Variants in CSMD1 observed in about 807,000 individuals in gnomAD.
CSMD1 encodes CUB and sushi domain-containing protein 1.
CSMD1 carries 213 observed loss-of-function variants against 417.5 expected under a neutral mutation model. That is an observed-to-expected ratio of 0.51 (90% CI 0.46 to 0.57). The LOEUF is 0.57. CSMD1 is among the 20% of genes least tolerant of loss of function. The pLI, the probability that CSMD1 is intolerant of heterozygous loss-of-function variation, is 0.00. For missense variants in CSMD1, 6,923 were observed against 4,529.7 expected, an observed-to-expected ratio of 1.53 and a Z score of -15.17; for synonymous variants, 2,862 against 1,736.8, an observed-to-expected ratio of 1.65 and a Z score of -16.11.
At chr8:4,946,168 T>C (rs921703230) in intron 1 of CSMD1, among the ~76,000 whole-genome samples, 1 of 152,188 alleles carries the variant, frequency 6.6e-6, no homozygotes, top group African/African-American at 2.4e-5. Context: ...TTAAAAACTT[T>C]GATACTCCGT....
At chr8:3,597,951 G>A (rs556957933) in intron 8 of CSMD1, among the ~76,000 whole-genome samples, 2 of 152,234 alleles carry the variant, frequency 1.3e-5, no homozygotes, top group African/African-American at 2.4e-5. Flanking sequence ...AAACCTGCAC[G>A]TTGTGCACAT....
At chr8:3,498,220 G>C (rs1164544104) in intron 10 of CSMD1, among the ~76,000 whole-genome samples, 1 of 152,032 alleles carries the variant, frequency 6.6e-6, no homozygotes, top group Non-Finnish European at 1.5e-5. Context: ...TTGTCTTGCT[G>C]TTTTTAGACT....
chr8:3,293,218 T>C (rs1163133616), intron 25 of CSMD1, among the ~76,000 whole-genome samples: 2 of 152,200 alleles, frequency 1.3e-5, no homozygotes, highest in Non-Finnish European at 2.9e-5. Flanking sequence ...TGGGCTTCCT[T>C]TTGTGGGTAA....
At chr8:4,145,898 C>G (rs1034009983) in intron 3 of CSMD1, among the ~76,000 whole-genome samples, 3 of 151,036 alleles carry the variant, frequency 2.0e-5, no homozygotes, top group Admixed American at 2.0e-4. Context: ...TTGCTCAATG[C>G]TCATCCCTTG....
chr8:4,007,914 G>A (rs1015143531), intron 4 of CSMD1, among the ~76,000 whole-genome samples: 1 of 152,068 alleles, frequency 6.6e-6, no homozygotes, highest in African/African-American at 2.4e-5. Context: ...AAAAAAAGTA[G>A]TCTATAAAAA....
rs530494208 is a variant in CSMD1 at position 4,790,575 on chromosome 8, T to C, written c.86-153017A>G. 2.9e-4 allele frequency among the ~76,000 whole-genome samples: 44 copies of C among 152,232 alleles called. 1 individual carries two copies. The highest frequency in any genetic ancestry group is 1.0e-3 in the African/African-American group (43 of 41,558). On this transcript the variant is annotated intron_variant, in intron 1 of 69. Coordinates refer to ENST00000635120, the MANE Select transcript of CSMD1 (RefSeq NM_033225.6). ...CTGGAAGCATCACACAGCCCGACTT[T>C]AAGCTATACAACCAAGCTACAGTAA...
At chr8:4,582,082 T>A (rs1053485824) in intron 2 of CSMD1, among the ~76,000 whole-genome samples, 41 of 152,086 alleles carry the variant, frequency 2.7e-4, no homozygotes, top group Non-Finnish European at 5.4e-4. Flanking sequence ...TTTTTTTTTT[T>A]TGGTTTGTTT....
chr8:4,414,467 T>A (rs1363265343), intron 3 of CSMD1, among the ~76,000 whole-genome samples: 5 of 152,196 alleles, frequency 3.3e-5, no homozygotes, highest in Admixed American at 2.6e-4. Context: ...TTTCTGTTTG[T>A]GAGGATTAAA....
chr8:3,126,240 A>C (rs1817502494), intron 41 of CSMD1, among the ~76,000 whole-genome samples: 1 of 152,210 alleles, frequency 6.6e-6, no homozygotes, highest in Admixed American at 6.5e-5. Flanking sequence ...GAAATGAATC[A>C]GTGTTGGCAT....
intron 3 of CSMD1, among the ~76,000 whole-genome samples, chr8:4,339,629 C>G (rs6985057): frequency 0.13 from 19,321 of 152,086 alleles, 4,011 homozygotes; most frequent in African/African-American, 0.43. Context: ...TACCTGCCCA[C>G]ATAGGAAAAC....
chr8:3,891,304 C>T (rs911945135), intron 5 of CSMD1, among the ~76,000 whole-genome samples: 3 of 152,140 alleles, frequency 2.0e-5, no homozygotes, highest in Non-Finnish European at 1.5e-5. Flanking sequence ...CCTGCCTCAA[C>T]CTCCCAAAGT....
At chr8:3,957,075 G>C (rs1040342838) in intron 5 of CSMD1, among the ~76,000 whole-genome samples, 1 of 152,106 alleles carries the variant, frequency 6.6e-6, no homozygotes, top group Non-Finnish European at 1.5e-5. Flanking sequence ...AACGCCGGGG[G>C]AGGCTCTGTA....
intron 8 of CSMD1, among the ~76,000 whole-genome samples, chr8:3,610,552 C>A (rs1431243787): frequency 1.3e-5 from 2 of 152,028 alleles, no homozygotes; most frequent in Non-Finnish European, 2.9e-5. Context: ...TAATATAGGT[C>A]ATGTACACAT....
In CSMD1 at chr8:4,894,528, G is replaced by A. The variant is rs542047267; in HGVS notation, c.85+99804C>T. 5.1e-4 allele frequency among the ~76,000 whole-genome samples: 75 copies of A among 147,630 alleles called. 1 individual carries two copies. In the Admixed American group the frequency reaches 5.1e-3, roughly 10 times the overall value. On this transcript the variant is annotated intron_variant, in intron 1 of 69. Transcript: ENST00000635120. The stretch of plus-strand genomic sequence containing the variant: ...AGATCGCACCATCGCATTCCAGCCT[G>A]GGGACAACAGCGAGAACTCATCTCA...
At chr8:4,296,705 T>TG (rs1468507991) in intron 3 of CSMD1, among the ~76,000 whole-genome samples, 3 of 150,022 alleles carry the variant, frequency 2.0e-5, no homozygotes, top group Non-Finnish European at 4.4e-5. Flanking sequence ...GGTTTTTTTT[T>TG]TTTTTTTTTT....
intron 4 of CSMD1, among the ~76,000 whole-genome samples, chr8:4,029,406 G>A (rs536402803): frequency 6.6e-6 from 1 of 152,178 alleles, no homozygotes; most frequent in African/African-American, 2.4e-5. Context: ...ATGGTGGAAG[G>A]CAAGGAGGAC....
intron 2 of CSMD1, among the ~76,000 whole-genome samples, chr8:4,533,688 C>A (rs1299577108): frequency 6.6e-6 from 1 of 151,742 alleles, no homozygotes; most frequent in Non-Finnish European, 1.5e-5. Flanking sequence ...AAAACATCAT[C>A]AAAAAGTTTA....
At chr8:3,950,011 G>T (rs939707929) in intron 5 of CSMD1, 1 of 455,838 alleles carries the variant, frequency 2.2e-6, no homozygotes, top group Non-Finnish European at 4.4e-6. Context: ...ATTTGCCAGG[G>T]TCCACGGCAT....
chr8:4,446,381 C>T (rs568420879), intron 2 of CSMD1, among the ~76,000 whole-genome samples: 1 of 152,086 alleles, frequency 6.6e-6, no homozygotes, highest in African/African-American at 2.4e-5. Context: ...AACCCCAACT[C>T]CATAAAAACA....
Sources: gnomAD v4.1 joint callset for allele counts (sites outside exome capture counted in the v4.1 genomes callset) on GRCh38, gnomAD v4.1.1 for gene constraint, MANE v1.5 for transcripts, NCBI Gene and HGNC (gene_info 2026-07-23, HGNC 2026-07-21) for gene names.